ADPRH: variants seen among roughly 807,000 people sequenced by gnomAD.
The protein encoded by ADPRH is ADP-ribose-L-arginine cleaving enzyme.
ADPRH carries 27 observed loss-of-function variants against 28.8 expected under a neutral mutation model. That is an observed-to-expected ratio of 0.94 (90% CI 0.69 to 1.29). The LOEUF (loss-of-function observed/expected upper bound fraction) is 1.29, where lower values mean the gene tolerates loss of function less well. Ranked by LOEUF, ADPRH falls within the 50% of genes most tolerant of loss-of-function variation. The pLI is 0.00. For synonymous variants in ADPRH, 161 were observed against 166.9 expected, an observed-to-expected ratio of 0.96 and a Z score of 0.27; for missense variants, 419 against 444.8, an observed-to-expected ratio of 0.94 and a Z score of 0.52.
intron 2 of ADPRH, 38 bp from the exon 3 acceptor site, chr3:119,582,096 C>A: frequency 1.7e-5 from 17 of 992,416 alleles, no homozygotes; most frequent in Non-Finnish European, 2.0e-5. Flanking sequence ...TCTTCTTGCT[C>A]CTCATCCTAT....
chr3:119,587,620 C>T lies in ADPRH; in HGVS notation c.816C>T (p.His272=), dbSNP rs181586095. 19 of 1,614,180 alleles carry T rather than the reference C, an allele frequency of 1.2e-5. No individual in the cohort carries two copies. In the Middle Eastern group the frequency reaches 8.2e-4, roughly 70 times the overall value. The change falls in exon 5 of 5, where the codon CAC becomes CAT. Residue 272 remains histidine (H), a synonymous_variant. Coordinates refer to ENST00000357003, the MANE Select transcript of ADPRH (RefSeq NM_001125.4). ...CTGGCTGGGGTGGCAGCAGTGGGCA[C>T]GATGCCCCCATGATTGCCTACGATG... ...SYSGWGGSSG[H]DAPMIAYDAV... is the part of the protein sequence containing the mutation.
chr3:119,583,420 A>ATT (rs2082425956), intron 3 of ADPRH, among the ~76,000 whole-genome samples: 1 of 152,240 alleles, frequency 6.6e-6, no homozygotes, highest in Admixed American at 6.5e-5. Context: ...TATGCTAATT[A>ATT]GCCTGATCAT....
Position 119,582,129 on chromosome 3 carries a change from C to A in ADPRH, c.-36-5C>A, listed in dbSNP as rs369666515. On this transcript the variant is annotated splice_polypyrimidine_tract_variant and splice_region_variant and intron_variant, in intron 2 of 4. Transcript: ENST00000357003. ...TATTTCCTTTGTCTTAATTTCCCCACAAAGACACCCTCTCCAGAGCCCAGC... is the reference window on the plus strand; with the variant it reads ...TATTTCCTTTGTCTTAATTTCCCCAAAAAGACACCCTCTCCAGAGCCCAGC... The A allele has an allele frequency of 6.6e-7, 1 of 1,512,476 alleles. No homozygotes were observed. The highest frequency in any genetic ancestry group is 2.4e-5 in the East Asian group (1 of 42,174). The allele number at this position is 1,512,476 out of a possible 1,614,324, so 93.7% of individuals were successfully genotyped here.
intron 4 of ADPRH, 44 bp downstream of exon 4, chr3:119,586,689 G>C (rs1246187771): frequency 6.3e-7 from 1 of 1,598,656 alleles, no homozygotes. Context: ...GGTTGAATCT[G>C]TGCGTGTACA....
intron 3 of ADPRH, among the ~76,000 whole-genome samples, chr3:119,585,385 C>T (rs528330899): frequency 3.3e-5 from 5 of 152,300 alleles, no homozygotes; most frequent in South Asian, 2.1e-4. Flanking sequence ...GTCACTGTCA[C>T]GAGGGGATAG....
rs1203754109 is a variant in ADPRH, at chr3:119,588,591, C to A, written c.*713C>A. 1.3e-5 allele frequency: 2 copies of A among 152,242 alleles called. No homozygotes were observed. The highest frequency in any genetic ancestry group is 1.3e-4 in the Admixed American group (2 of 15,282). 9.4% of individuals were successfully genotyped at this position (152,242 alleles called of 1,614,324 possible). On this transcript the variant is annotated 3_prime_UTR_variant, in exon 5 of 5. Coordinates refer to ENST00000357003, the MANE Select transcript of ADPRH (RefSeq NM_001125.4). ...ACTTGCAGGGGCAAGCTGTAAAGGG[C>A]ATGGGAACAGTGAGGGACATATGTG...
rs140419309 is a variant in ADPRH at position 119,583,153 on chromosome 3, C to T, written c.298+686C>T. ...CTGAGGTAGGATGATTGCTTGAGCC[C>T]GGGAGGTTGAGGCTACAGTGAGCTA... On this transcript the variant is annotated intron_variant, in intron 3 of 4. Transcript: ENST00000357003. 8.6e-4 allele frequency among the ~76,000 whole-genome samples: 131 copies of T among 152,184 alleles called. 1 individual carries two copies. Among genetic ancestry groups the T allele is most frequent in the Non-Finnish European group, 1.5e-3 (105 of 67,996 alleles).
intron 2 of ADPRH, among the ~76,000 whole-genome samples, chr3:119,580,841 A>T (rs1184821977): frequency 1.3e-5 from 2 of 152,144 alleles, no homozygotes; most frequent in Non-Finnish European, 2.9e-5. Context: ...CCAGCGCTTT[A>T]CCAGGGATTT....
Position 119,587,946 on chromosome 3 carries a change from G to A in ADPRH, c.*68G>A. ...TTTCCTTTTCTGCTATTTCTTTTCA[G>A]TTTTTCCAAAGTCAAGAGTCTTAAC... On this transcript the variant is annotated 3_prime_UTR_variant, in exon 5 of 5. Coordinates refer to ENST00000357003, the MANE Select transcript of ADPRH (RefSeq NM_001125.4). 4.7e-6 allele frequency: 7 copies of A among 1,491,120 alleles called. No individual in the cohort carries two copies. Among genetic ancestry groups the A allele is most frequent in the Non-Finnish European group, 6.2e-6 (7 of 1,122,938 alleles). 92.4% of individuals were successfully genotyped at this position (1,491,120 alleles called of 1,614,324 possible).
intron 2 of ADPRH, among the ~76,000 whole-genome samples, chr3:119,581,198 G>A (rs1261259486): frequency 1.3e-5 from 2 of 151,296 alleles, no homozygotes; most frequent in African/African-American, 4.9e-5. Context: ...CTCCTGAGTA[G>A]CTGGGACTAC....
Position 119,582,116 on chromosome 3 carries a change from C to T in ADPRH, c.-36-18C>T, listed in dbSNP as rs2082410245. 9.7e-7 allele frequency: 1 copy of T among 1,028,122 alleles called. No homozygotes were observed. The highest frequency in any genetic ancestry group is 1.7e-5 in the African/African-American group (1 of 59,566). 63.7% of individuals were successfully genotyped at this position (1,028,122 alleles called of 1,614,324 possible). A position where few individuals can be genotyped will look rare whatever the true frequency, so the allele number is the denominator to read the frequency against. ...TTGCTCCTCATCCTATTTCCTTTGT[C>T]TTAATTTCCCCACAAAGACACCCTC... On this transcript the variant is annotated intron_variant, in intron 2 of 4. Coordinates refer to ENST00000357003, the MANE Select transcript of ADPRH (RefSeq NM_001125.4).
Position 119,587,847 on chromosome 3 carries a change from G to A in ADPRH, c.1043G>A (p.Gly348Glu), listed in dbSNP as rs1330477837. Residue 348 changes from glycine (G) to glutamate (E), a missense_variant, in exon 5 of 5, where the codon GGG (glycine) becomes GAG (glutamate). Coordinates refer to ENST00000357003, the MANE Select transcript of ADPRH (RefSeq NM_001125.4). ...EETARALYSLGSKEDTVISL is the reference protein window; with the variant it reads ...EETARALYSLESKEDTVISL ...ACAGCTAGGGCTTTATATTCTCTCG[G>A]GTCAAAAGAAGACACTGTAATTTCC... 6.2e-7 allele frequency: 1 copy of A among 1,607,874 alleles called. No homozygotes were observed.
In ADPRH at chr3:119,582,311, G is replaced by A. The variant is rs753971252; in HGVS notation, c.142G>A (p.Val48Met). 1.4e-4 allele frequency: 234 copies of A among 1,614,094 alleles called. No homozygotes were observed. In the Admixed American group the frequency reaches 3.6e-3, roughly 25 times the overall value. The change falls in exon 3 of 5, where the codon GTG becomes ATG. Residue 48 changes from valine (V) to methionine (M), a missense_variant. Coordinates refer to ENST00000357003, the MANE Select transcript of ADPRH (RefSeq NM_001125.4). Reference protein sequence around the residue: ...AQLGGLDALDVGRWRVSDDTV... With the variant: ...AQLGGLDALDMGRWRVSDDTV... The stretch of plus-strand genomic sequence containing the variant: ...GCTGGGCGGCTTGGATGCCCTAGAC[G>A]TGGGAAGGTGGAGAGTTAGTGACGA...
chr3:119,584,847 G>A (rs1054071974), intron 3 of ADPRH, among the ~76,000 whole-genome samples: 5 of 152,178 alleles, frequency 3.3e-5, no homozygotes, highest in African/African-American at 9.7e-5. Flanking sequence ...CTCTCTCCTT[G>A]GCTTGCAGAT....
In ADPRH at chr3:119,587,754, T is replaced by C. The variant is rs2082478131; in HGVS notation, c.950T>C (p.Met317Thr). The C allele has an allele frequency of 6.2e-7, 1 of 1,614,202 alleles. No homozygotes were observed. The highest frequency in any genetic ancestry group is 8.5e-7 in the Non-Finnish European group (1 of 1,180,036). Residue 317 changes from methionine (M) to threonine (T), a missense_variant, in exon 5 of 5, where the codon ATG becomes ACG. Transcript: ENST00000357003. Reference protein sequence around the residue: ...AAIAGCWWGVMYGFKGVSPSN... With the variant: ...AAIAGCWWGVTYGFKGVSPSN... Reference sequence around the variant, plus strand: ...ATTGCTGGCTGCTGGTGGGGAGTTATGTATGGTTTTAAAGGAGTGAGTCCC... The same window carrying C: ...ATTGCTGGCTGCTGGTGGGGAGTTACGTATGGTTTTAAAGGAGTGAGTCCC...
At chr3:119,584,136 A>C (rs2082435281) in intron 3 of ADPRH, among the ~76,000 whole-genome samples, 1 of 152,206 alleles carries the variant, frequency 6.6e-6, no homozygotes, top group Non-Finnish European at 1.5e-5. Context: ...AAGATCTTGA[A>C]GAACATGTAC....
rs2082484176 is a variant in ADPRH at position 119,588,265 on chromosome 3, C to T, written c.*387C>T. The T allele has an allele frequency of 6.3e-6, 1 of 158,842 alleles. No homozygotes were observed. The highest frequency in any genetic ancestry group is 1.4e-5 in the Non-Finnish European group (1 of 72,920). The allele number at this position is 158,842 out of a possible 1,614,324, so 9.8% of individuals were successfully genotyped here. On this transcript the variant is annotated 3_prime_UTR_variant, in exon 5 of 5. Transcript: ENST00000357003. ...CAAGCAGTTTATATGGGAGATGATTCCAGGAAATACCGATATGAGAATGGG... is the reference window on the plus strand; with the variant it reads ...CAAGCAGTTTATATGGGAGATGATTTCAGGAAATACCGATATGAGAATGGG...
Position 119,587,535 on chromosome 3 carries a change from C to T in ADPRH, c.731C>T (p.Thr244Ile). 1 of 1,608,172 alleles carries T rather than the reference C, an allele frequency of 6.2e-7. No individual in the cohort carries two copies. Among genetic ancestry groups the T allele is most frequent in the Non-Finnish European group, 8.5e-7 (1 of 1,176,904 alleles). The change falls in exon 5 of 5, where the codon ACC becomes ATC. Residue 244 changes from threonine (T) to isoleucine (I), a missense_variant. Coordinates refer to ENST00000357003, the MANE Select transcript of ADPRH (RefSeq NM_001125.4). Reference protein sequence around the residue: ...RGILDGESAPTFPESFGVKER... With the variant: ...RGILDGESAPIFPESFGVKER... ...ATTTTGGATGGAGAATCAGCCCCTACCTTCCCTGAGTCTTTCGGTGTGAAG... is the reference window on the plus strand; with the variant it reads ...ATTTTGGATGGAGAATCAGCCCCTATCTTCCCTGAGTCTTTCGGTGTGAAG...
In ADPRH at chr3:119,587,936, T is replaced by G; in HGVS notation, c.*58T>G. The G allele has an allele frequency of 1.3e-6, 2 of 1,499,686 alleles. No individual in the cohort carries two copies. Among genetic ancestry groups the G allele is most frequent in the Non-Finnish European group, 1.8e-6 (2 of 1,127,292 alleles). The allele number at this position is 1,499,686 out of a possible 1,614,324, so 92.9% of individuals were successfully genotyped here. The stretch of plus-strand genomic sequence containing the variant: ...CTTTTGTGTATTTCCTTTTCTGCTA[T>G]TTCTTTTCAGTTTTTCCAAAGTCAA... On this transcript the variant is annotated 3_prime_UTR_variant, in exon 5 of 5. Coordinates refer to ENST00000357003, the MANE Select transcript of ADPRH (RefSeq NM_001125.4).
Sources: gnomAD v4.1 joint callset for allele counts (sites outside exome capture counted in the v4.1 genomes callset) on GRCh38, gnomAD v4.1.1 for gene constraint, MANE v1.5 for transcripts, NCBI Gene and HGNC (gene_info 2026-07-23, HGNC 2026-07-21) for gene names.